Variants in KCNJ6 observed in about 807,000 individuals in gnomAD.
The protein encoded by KCNJ6 is potassium inwardly rectifying channel subfamily J member 6.
Under a neutral mutation model 34.2 loss-of-function variants are expected in KCNJ6, and 9 were observed. The observed-to-expected ratio is 0.26, with a 90% CI of 0.16 to 0.46. KCNJ6 has a LOEUF of 0.46. Ranked by LOEUF, KCNJ6 falls within the 20% of genes least tolerant of loss-of-function variation. The pLI, the probability that KCNJ6 is intolerant of heterozygous loss-of-function variation, is 1.00. For synonymous variants in KCNJ6, 196 were observed against 207.1 expected, an observed-to-expected ratio of 0.95 and a Z score of 0.46; for missense variants, 236 against 531.3, an observed-to-expected ratio of 0.44 and a Z score of 5.46.
chr21:37,695,988 A>G lies in KCNJ6; in HGVS notation c.946+18223T>C, dbSNP rs2054661721. ...GGATAATGTGAGCATCACAAATAATATCAGTAGCAGATTATAACTCATTGA... is the reference window on the plus strand; with the variant it reads ...GGATAATGTGAGCATCACAAATAATGTCAGTAGCAGATTATAACTCATTGA... On this transcript the variant is annotated intron_variant, in intron 3 of 3. Transcript: ENST00000609713. The surrounding 1 kb of genome is among the most constrained non-coding windows in gnomAD (Gnocchi z 4.2). Among the ~76,000 whole-genome samples the G allele has an allele frequency of 6.6e-6, 1 of 152,272 alleles. No individual in the cohort carries two copies. Among genetic ancestry groups the G allele is most frequent in the South Asian group, 2.1e-4 (1 of 4,836 alleles).
At chr21:37,662,646 T>C (rs1034767121) in intron 3 of KCNJ6, among the ~76,000 whole-genome samples, 4 of 152,204 alleles carry the variant, frequency 2.6e-5, no homozygotes, top group Admixed American at 2.0e-4. Context: ...TGCTGGGTCA[T>C]ATGATATTTC....
At chr21:37,732,179 A>G (rs1001836258) in intron 2 of KCNJ6, among the ~76,000 whole-genome samples, 1 of 129,158 alleles carries the variant, frequency 7.7e-6, no homozygotes, top group African/African-American at 2.5e-5. Context: ...GGGAAGAAAC[A>G]GAATGAAGGT....
chr21:37,843,004 C>T lies in KCNJ6; in HGVS notation c.-27-2295G>A, dbSNP rs187793256. Reference sequence around the variant, plus strand: ...TTTTCTGGGTCTGTGCTCCATCAGGCCTCACTCTGGATCACAGACCTCTTC... The same window carrying T: ...TTTTCTGGGTCTGTGCTCCATCAGGTCTCACTCTGGATCACAGACCTCTTC... On this transcript the variant is annotated intron_variant, in intron 1 of 3. Transcript: ENST00000609713. Among the ~76,000 whole-genome samples, 881 of 152,270 alleles carry T rather than the reference C, an allele frequency of 5.8e-3. 43 individuals are homozygous for T. The highest frequency in any genetic ancestry group is 0.055 in the Admixed American group (840 of 15,296).
intron 2 of KCNJ6, among the ~76,000 whole-genome samples, chr21:37,827,511 A>G (rs1254676657): frequency 6.8e-6 from 1 of 146,786 alleles, no homozygotes; most frequent in Non-Finnish European, 1.5e-5. Context: ...ATAGAGTGAC[A>G]TCATAACCCT....
intron 3 of KCNJ6, among the ~76,000 whole-genome samples, chr21:37,655,050 C>A (rs980035890): frequency 1.6e-4 from 24 of 151,966 alleles, no homozygotes; most frequent in Non-Finnish European, 2.1e-4. Context: ...AGAGGCAGCA[C>A]AAAGGAAGTG....
intron 2 of KCNJ6, among the ~76,000 whole-genome samples, chr21:37,778,000 A>C (rs1303147812): frequency 1.3e-5 from 2 of 152,166 alleles, no homozygotes; most frequent in Non-Finnish European, 2.9e-5. Flanking sequence ...GTTCTAGAAG[A>C]GGAAAGTGTT....
intron 3 of KCNJ6, among the ~76,000 whole-genome samples, chr21:37,632,196 C>T (rs1306882955): frequency 6.6e-6 from 1 of 150,978 alleles, no homozygotes; most frequent in Non-Finnish European, 1.5e-5. Context: ...TTGATATAAT[C>T]GTGAGCTTTG....
intron 2 of KCNJ6, among the ~76,000 whole-genome samples, chr21:37,795,669 G>A (rs374507511): frequency 1.2e-3 from 180 of 151,082 alleles, no homozygotes; most frequent in Non-Finnish European, 1.7e-3. Flanking sequence ...GGCGAGAACC[G>A]GTTGCAGTGA....
Position 37,704,137 on chromosome 21 carries a change from C to T in KCNJ6, c.946+10074G>A, listed in dbSNP as rs79413224. ...CAGGCCATGCTGAACATGCTGAGGT[C>T]CCTTTGGGGGAACAAAAAGAAATTC... is the stretch of plus-strand genomic sequence containing the variant. On this transcript the variant is annotated intron_variant, in intron 3 of 3. Transcript: ENST00000609713. 8.0e-3 allele frequency among the ~76,000 whole-genome samples: 1,224 copies of T among 152,288 alleles called. 20 individuals are homozygous for T. Among genetic ancestry groups the T allele is most frequent in the African/African-American group, 0.028 (1,168 of 41,558 alleles).
intron 2 of KCNJ6, among the ~76,000 whole-genome samples, chr21:37,759,003 G>T (rs1204516545): frequency 2.0e-5 from 3 of 152,212 alleles, no homozygotes; most frequent in African/African-American, 7.2e-5. Flanking sequence ...CACATGGGTT[G>T]CAAGAGTTGC....
intron 2 of KCNJ6, among the ~76,000 whole-genome samples, chr21:37,798,418 G>C (rs142390106): frequency 1.3e-3 from 199 of 152,308 alleles, no homozygotes; most frequent in Admixed American, 2.5e-3. Flanking sequence ...GTGCATTTGA[G>C]TGCAGTTACC....
intron 2 of KCNJ6, among the ~76,000 whole-genome samples, chr21:37,815,606 A>T (rs1368207432): frequency 3.3e-5 from 5 of 152,148 alleles, no homozygotes. Context: ...AGTCCTGAAA[A>T]CTTGGTGCTC....
chr21:37,788,409 G>A (rs962778922), intron 2 of KCNJ6, among the ~76,000 whole-genome samples: 4 of 151,986 alleles, frequency 2.6e-5, no homozygotes, highest in African/African-American at 7.3e-5. Context: ...CTTCTTATTC[G>A]TCCCCCCACA....
At chr21:37,669,013 A>T (rs544140983) in intron 3 of KCNJ6, among the ~76,000 whole-genome samples, 63 of 152,172 alleles carry the variant, frequency 4.1e-4, no homozygotes, top group South Asian at 8.3e-4. Flanking sequence ...AAAGATCTAA[A>T]TAGGAAACAT....
At chr21:37,667,731 C>T (rs1409752464) in intron 3 of KCNJ6, among the ~76,000 whole-genome samples, 1 of 152,028 alleles carries the variant, frequency 6.6e-6, no homozygotes, top group Non-Finnish European at 1.5e-5. Context: ...TGCCTCTGAT[C>T]ACAGGGTGCC....
chr21:37,913,715 G>A (rs1288273826), intron 1 of KCNJ6, among the ~76,000 whole-genome samples: 1 of 152,186 alleles, frequency 6.6e-6, no homozygotes, highest in Non-Finnish European at 1.5e-5. Context: ...CTACTCAGGA[G>A]GCTGAGGTAG....
chr21:37,837,384 C>T (rs2055457206), intron 2 of KCNJ6, among the ~76,000 whole-genome samples: 1 of 152,154 alleles, frequency 6.6e-6, no homozygotes, highest in Non-Finnish European at 1.5e-5. Flanking sequence ...AAATCTATCT[C>T]TTGCTTGCCC....
At chr21:37,630,134 C>CTCTGTGTG (rs145670479) in intron 3 of KCNJ6, among the ~76,000 whole-genome samples, 21 of 144,152 alleles carry the variant, frequency 1.5e-4, no homozygotes, top group East Asian at 4.2e-4. Flanking sequence ...GATGACATCT[C>CTCTGTGTG]TGTGTGTGTG....
intron 1 of KCNJ6, among the ~76,000 whole-genome samples, chr21:37,899,516 A>T (rs79866409): frequency 6.6e-6 from 1 of 152,158 alleles, no homozygotes; most frequent in Non-Finnish European, 1.5e-5. Flanking sequence ...AAGCTAATAC[A>T]CTACCACACT....
Sources: allele counts gnomAD v4.1 joint callset (sites outside exome capture counted in the v4.1 genomes callset), GRCh38; gene constraint gnomAD v4.1.1; non-coding constraint Gnocchi (gnomAD v3.1); transcripts MANE v1.5; gene names NCBI Gene and HGNC (gene_info 2026-07-23, HGNC 2026-07-21).